GALNTL6: variants seen among roughly 807,000 people sequenced by gnomAD.
GALNTL6 encodes the protein polypeptide N-acetylgalactosaminyltransferase like 6.
A neutral mutation model predicts 73.7 loss-of-function variants in GALNTL6; 46 were observed. That is an observed-to-expected ratio of 0.62 (90% CI 0.49 to 0.80). The LOEUF (loss-of-function observed/expected upper bound fraction) is 0.80, where lower values mean the gene tolerates loss of function less well. Ranked by LOEUF, GALNTL6 falls within the 30% of genes least tolerant of loss-of-function variation. The pLI is 0.00. For synonymous variants in GALNTL6, 259 were observed against 263.7 expected (o/e 0.98, Z 0.17); for missense variants, 604 against 755.0 (o/e 0.80, Z 2.34).
At chr4:172,515,833 G>T (rs1296551038) in intron 5 of GALNTL6, among the ~76,000 whole-genome samples, 1 of 152,268 alleles carries the variant, frequency 6.6e-6, no homozygotes, top group Non-Finnish European at 1.5e-5. Context: ...TTCTGAAGGA[G>T]AACTCAGGAT....
At chr4:172,015,923 A>ATTTTTTTTTTTTTTTTTTTT (rs70941375) in intron 2 of GALNTL6, among the ~76,000 whole-genome samples, 1 of 44,052 alleles carries the variant, frequency 2.3e-5, no homozygotes, top group Non-Finnish European at 4.2e-5. Context: ...ATCTAATAGG[A>ATTTTTTTTTTTTTTTTTTTT]TTTTTTTTTT....
Position 172,852,516 on chromosome 4 carries a change from A to G in GALNTL6, c.924-30274A>G, listed in dbSNP as rs1214560606. ...GCAGCCACCTTCCAGCAATAACTCT[A>G]CACTGTGAAAGGGGGACATAAGTTT... On this transcript the variant is annotated intron_variant, in intron 7 of 12. Transcript: ENST00000506823. Among the ~76,000 whole-genome samples the G allele has an allele frequency of 9.9e-5, 15 of 152,274 alleles. No individual in the cohort carries two copies. The East Asian group carries it at 2.7e-3, about 27-fold the overall frequency.
At chr4:172,086,467 A>C in intron 2 of GALNTL6, among the ~76,000 whole-genome samples, 2 of 152,312 alleles carry the variant, frequency 1.3e-5, no homozygotes, top group South Asian at 4.1e-4. Context: ...ACTTGATTTT[A>C]AAGCAGTTTT....
chr4:172,243,569 T>C (rs1231828380), intron 3 of GALNTL6, among the ~76,000 whole-genome samples: 3 of 152,162 alleles, frequency 2.0e-5, no homozygotes, highest in Non-Finnish European at 4.4e-5. Context: ...TGCTTGCTGG[T>C]TTCCTCTTTT....
chr4:172,503,550 G>GATATATATA (rs1734341130), intron 5 of GALNTL6, among the ~76,000 whole-genome samples: 1 of 74,530 alleles, frequency 1.3e-5, no homozygotes, highest in African/African-American at 3.8e-5. Flanking sequence ...ATATATATAT[G>GATATATATA]TATTAGTTTT....
chr4:172,828,667 C>A (rs1434931429), intron 7 of GALNTL6, among the ~76,000 whole-genome samples: 1 of 152,186 alleles, frequency 6.6e-6, no homozygotes, highest in Non-Finnish European at 1.5e-5. Flanking sequence ...AGAACAGTTT[C>A]TGTGTAGAAA....
At chr4:172,964,136 CAGGTTTAA>C in intron 10 of GALNTL6, among the ~76,000 whole-genome samples, 1 of 152,258 alleles carries the variant, frequency 6.6e-6, no homozygotes, top group African/African-American at 2.4e-5. Context: ...AGGGTAAGAA[CAGGTTTAA>C]AGTGGAAAAC....
intron 7 of GALNTL6, among the ~76,000 whole-genome samples, chr4:172,831,636 G>C (rs569721833): frequency 2.0e-5 from 3 of 152,224 alleles, no homozygotes; most frequent in Admixed American, 2.0e-4. Context: ...CTGGATGTGG[G>C]GTCTGGCTGG....
intron 2 of GALNTL6, among the ~76,000 whole-genome samples, chr4:172,097,763 G>A (rs893164584): frequency 1.3e-5 from 2 of 152,164 alleles, no homozygotes; most frequent in Non-Finnish European, 2.9e-5. Context: ...TTAAGCTACT[G>A]TTAACTTGGT....
At chr4:171,962,802 C>T (rs971630824) in intron 2 of GALNTL6, among the ~76,000 whole-genome samples, 3 of 129,730 alleles carry the variant, frequency 2.3e-5, no homozygotes, top group African/African-American at 8.9e-5. Flanking sequence ...ATGTCTCGCT[C>T]TGTCGCCAGG....
At chr4:172,018,773 A>C (rs1392659181) in intron 2 of GALNTL6, among the ~76,000 whole-genome samples, 2 of 152,070 alleles carry the variant, frequency 1.3e-5, no homozygotes, top group African/African-American at 4.8e-5. Context: ...AATCAATATT[A>C]CTACAAAATT....
rs149092418 is a variant in GALNTL6, at chr4:172,845,638, C to G, written c.923+31915C>G. Among the ~76,000 whole-genome samples, 884 of 152,252 alleles carry G rather than the reference C, an allele frequency of 5.8e-3. 9 individuals are homozygous for G. Among genetic ancestry groups the G allele is most frequent in the African/African-American group, 0.019 (770 of 41,528 alleles). ...ATTTGACTAGTTTTCAGTTTTAAGT[C>G]TCTACATTGCCTCTTACTGTTTGTA... is the stretch of plus-strand genomic sequence containing the variant. On this transcript the variant is annotated intron_variant, in intron 7 of 12. Coordinates refer to ENST00000506823, the MANE Select transcript of GALNTL6 (RefSeq NM_001034845.3).
intron 5 of GALNTL6, among the ~76,000 whole-genome samples, chr4:172,534,222 G>A (rs914889291): frequency 7.9e-5 from 12 of 152,186 alleles, no homozygotes; most frequent in South Asian, 2.1e-4. Context: ...GAAGCTGCTG[G>A]GGCAGAAGTG....
At chr4:172,874,099 C>T (rs559779224) in intron 7 of GALNTL6, among the ~76,000 whole-genome samples, 2 of 152,326 alleles carry the variant, frequency 1.3e-5, no homozygotes, top group South Asian at 4.2e-4. Context: ...ATTTATTTAT[C>T]CCATGAATGA....
At chr4:172,309,644 A>T (rs910769990) in intron 3 of GALNTL6, among the ~76,000 whole-genome samples, 2 of 152,100 alleles carry the variant, frequency 1.3e-5, no homozygotes, top group African/African-American at 4.8e-5. Context: ...TAACTATATA[A>T]TTAGATAAGA....
intron 2 of GALNTL6, among the ~76,000 whole-genome samples, chr4:172,017,639 C>A (rs1455822890): frequency 6.6e-6 from 1 of 152,086 alleles, no homozygotes; most frequent in African/African-American, 2.4e-5. Context: ...TGAGAAACGA[C>A]CCACCAGCAG....
chr4:172,737,955 G>A (rs1736569834), intron 5 of GALNTL6, among the ~76,000 whole-genome samples: 1 of 152,216 alleles, frequency 6.6e-6, no homozygotes, highest in South Asian at 2.1e-4. Flanking sequence ...GGGGACCTGG[G>A]GAACATACCT....
chr4:172,288,053 G>C (rs941655024), intron 3 of GALNTL6, among the ~76,000 whole-genome samples: 1 of 151,590 alleles, frequency 6.6e-6, no homozygotes, highest in East Asian at 1.9e-4. Flanking sequence ...TTATTCTGCT[G>C]TTTCCCAGTG....
At chr4:172,202,024 A>G (rs1047085440) in intron 2 of GALNTL6, among the ~76,000 whole-genome samples, 2 of 152,202 alleles carry the variant, frequency 1.3e-5, no homozygotes, top group African/African-American at 4.8e-5. Context: ...TAACCATCAT[A>G]TGGAAGAACA....
Sources: gnomAD v4.1 joint callset for allele counts (sites outside exome capture counted in the v4.1 genomes callset) on GRCh38, gnomAD v4.1.1 for gene constraint, MANE v1.5 for transcripts, NCBI Gene and HGNC (gene_info 2026-07-23, HGNC 2026-07-21) for gene names.